TRMT11: variants seen among roughly 807,000 people sequenced by gnomAD.
TRMT11 encodes the protein tRNA (guanine(10)-N(2))-methyltransferase TRMT11.
In TRMT11, 53 loss-of-function variants were observed where a neutral mutation model predicts 62.8. The ratio of observed to expected loss-of-function variants is 0.84; its 90% confidence interval spans 0.68 to 1.06. The LOEUF is 1.06. Ranked by LOEUF, TRMT11 falls within the 50% of genes least tolerant of loss-of-function variation. The probability of loss-of-function intolerance (pLI) is 0.00; values close to 1 mark genes in which losing one functional copy is unlikely to be tolerated. For missense variants in TRMT11, 556 were observed against 553.4 expected, an observed-to-expected ratio of 1.00 and a Z score of -0.05; for synonymous variants, 188 against 190.3, an observed-to-expected ratio of 0.99 and a Z score of 0.10.
At chr6:126,241,820 C>T in the TRMT11 span, among the ~76,000 whole-genome samples, 1 of 152,004 alleles carries the variant, frequency 6.6e-6, no homozygotes, top group South Asian at 2.1e-4. Context: ...TATTCATGGA[C>T]AATATCATAC....
the TRMT11 span, among the ~76,000 whole-genome samples, chr6:126,216,426 T>C: frequency 2.6e-5 from 4 of 152,252 alleles, no homozygotes; most frequent in African/African-American, 9.6e-5. Flanking sequence ...TGTCATTTGT[T>C]TCAGGAAATT....
At position 126,012,872 on chromosome 6, in the gene TRMT11, G is replaced by A; in HGVS notation, c.1007+20G>A. On this transcript the variant is annotated intron_variant, in intron 10 of 12. Coordinates refer to ENST00000334379, the MANE Select transcript of TRMT11 (RefSeq NM_001031712.3). The stretch of plus-strand genomic sequence containing the variant: ...AAAATGGTAAGTGAAATTTAAATAT[G>A]ATGTGTTACTACCTTGAGAAGAGGC... 2.5e-6 allele frequency: 4 copies of A among 1,609,882 alleles called. No individual in the cohort carries two copies. The highest frequency in any genetic ancestry group is 3.4e-6 in the Non-Finnish European group (4 of 1,176,338).
At chr6:126,017,033 T>G (rs1310011865) in intron 11 of TRMT11, among the ~76,000 whole-genome samples, 1 of 152,230 alleles carries the variant, frequency 6.6e-6, no homozygotes, top group East Asian at 1.9e-4. Flanking sequence ...AATTTGAGTC[T>G]AAAGTCATCT....
chr6:126,233,295 A>G, the TRMT11 span, among the ~76,000 whole-genome samples: 3 of 152,152 alleles, frequency 2.0e-5, no homozygotes, highest in Non-Finnish European at 4.4e-5. Flanking sequence ...CATTCATATA[A>G]AATCTGGGCT....
At chr6:126,034,114 A>T (rs1774715321) in intron 12 of TRMT11, among the ~76,000 whole-genome samples, 1 of 152,096 alleles carries the variant, frequency 6.6e-6, no homozygotes, top group South Asian at 2.1e-4. Flanking sequence ...CATTGTTTTG[A>T]TGTAATTTCT....
At chr6:126,175,999 A>G (rs1001499679), upstream of TRMT11, among the ~76,000 whole-genome samples, 3 of 152,190 alleles carry the variant, frequency 2.0e-5, no homozygotes, top group African/African-American at 7.2e-5. Context: ...TTAATTGAGG[A>G]AACATTTAAA....
chr6:126,103,144 C>T (rs1240912506), intron 17 of TRMT11, among the ~76,000 whole-genome samples: 1 of 152,198 alleles, frequency 6.6e-6, no homozygotes, highest in Non-Finnish European at 1.5e-5. Context: ...ACTTCTCTTC[C>T]CACAGCATAC....
upstream of TRMT11, among the ~76,000 whole-genome samples, chr6:126,173,563 A>G (rs1176521136): frequency 6.6e-6 from 1 of 152,208 alleles, no homozygotes; most frequent in Admixed American, 6.5e-5. Context: ...GTCAACTGGT[A>G]AGCAGACCCC....
the TRMT11 span, among the ~76,000 whole-genome samples, chr6:126,223,543 G>A: frequency 6.6e-6 from 1 of 152,236 alleles, no homozygotes; most frequent in South Asian, 2.1e-4. Flanking sequence ...TAGCCTGATG[G>A]TGTTCCCTTT....
At chr6:126,217,626 A>T in the TRMT11 span, among the ~76,000 whole-genome samples, 1 of 152,020 alleles carries the variant, frequency 6.6e-6, no homozygotes, top group Non-Finnish European at 1.5e-5. Context: ...AGCTGCCTGG[A>T]GCTGGGGGAG....
chr6:126,052,909 A>G (rs897233925), intron 16 of TRMT11, among the ~76,000 whole-genome samples: 1 of 152,134 alleles, frequency 6.6e-6, no homozygotes, highest in African/African-American at 2.4e-5. Context: ...TCATGATCCT[A>G]AGTGGGTTCC....
At chr6:126,195,586 T>C (rs943668329) in intron 1 of TRMT11, among the ~76,000 whole-genome samples, 2 of 152,242 alleles carry the variant, frequency 1.3e-5, no homozygotes, top group Admixed American at 1.3e-4. Flanking sequence ...GTTTATTCAG[T>C]GTACATCCCT....
intron 21 of TRMT11, among the ~76,000 whole-genome samples, chr6:126,130,990 C>T (rs934893407): frequency 1.1e-4 from 16 of 152,044 alleles, no homozygotes; most frequent in African/African-American, 1.9e-4. Flanking sequence ...TCTATAATTA[C>T]GAAGCACGCA....
intron 16 of TRMT11, among the ~76,000 whole-genome samples, chr6:126,049,114 A>G (rs1416029975): frequency 1.3e-5 from 2 of 152,186 alleles, no homozygotes; most frequent in African/African-American, 4.8e-5. Flanking sequence ...TTTGCTCTAC[A>G]TTTGTTCTAT....
chr6:126,103,634 C>T (rs1777428636), intron 17 of TRMT11, among the ~76,000 whole-genome samples: 1 of 152,148 alleles, frequency 6.6e-6, no homozygotes, highest in Non-Finnish European at 1.5e-5. Flanking sequence ...CTGAGGGCTC[C>T]AGCTTCTTGC....
intron 7 of TRMT11, among the ~76,000 whole-genome samples, chr6:126,008,178 G>A (rs914671620): frequency 5.3e-5 from 8 of 151,842 alleles, no homozygotes; most frequent in African/African-American, 1.9e-4. Flanking sequence ...ATGATGCCAG[G>A]GTATACATTA....
the TRMT11 span, among the ~76,000 whole-genome samples, chr6:126,269,604 C>T: frequency 3.3e-5 from 5 of 152,158 alleles, no homozygotes; most frequent in Non-Finnish European, 2.9e-5. Context: ...TACATATGCA[C>T]AAGATTATTC....
downstream of TRMT11, among the ~76,000 whole-genome samples, chr6:126,042,438 CTGGGTCA>C (rs1391333212): frequency 6.6e-6 from 1 of 152,076 alleles, no homozygotes; most frequent in Non-Finnish European, 1.5e-5. Flanking sequence ...TCTTTTAAGC[CTGGGTCA>C]TGGAACAAAA....
At chr6:126,107,714 G>A (rs573102527) in intron 17 of TRMT11, among the ~76,000 whole-genome samples, 2 of 152,236 alleles carry the variant, frequency 1.3e-5, no homozygotes, top group African/African-American at 4.8e-5. Context: ...ATTATTGCCC[G>A]TGGCTCGAAG....
Sources: allele counts gnomAD v4.1 joint callset (sites outside exome capture counted in the v4.1 genomes callset), GRCh38; gene constraint gnomAD v4.1.1; transcripts MANE v1.5; gene names NCBI Gene and HGNC (gene_info 2026-07-23, HGNC 2026-07-21).